FNBP1: variants seen among roughly 807,000 people sequenced by gnomAD.
FNBP1 encodes formin-binding protein 1.
In FNBP1, 26 loss-of-function variants were observed where a neutral mutation model predicts 90.6. The observed-to-expected ratio is 0.29, with a 90% CI of 0.21 to 0.40. FNBP1 has a LOEUF of 0.40. Ranked by LOEUF, FNBP1 falls within the 10% of genes least tolerant of loss-of-function variation. The pLI, the probability that FNBP1 is intolerant of heterozygous loss-of-function variation, is 1.00. For synonymous variants in FNBP1, 260 were observed against 265.2 expected, an observed-to-expected ratio of 0.98 and a Z score of 0.19; for missense variants, 635 against 768.0, an observed-to-expected ratio of 0.83 and a Z score of 2.05.
intron 6 of FNBP1, among the ~76,000 whole-genome samples, chr9:129,945,648 C>T (rs2045146091): frequency 6.6e-6 from 1 of 152,224 alleles, no homozygotes; most frequent in Non-Finnish European, 1.5e-5. Flanking sequence ...GCTGGCTTCA[C>T]TTAGAATAGA....
rs2131322608 is a variant in FNBP1 at position 129,900,458 on chromosome 9, G to A, written c.1518C>T (p.Pro506=). Residue 506 remains proline, a synonymous_variant, in exon 14 of 17, where the codon CCC becomes CCT. Coordinates refer to ENST00000446176, the MANE Select transcript of FNBP1 (RefSeq NM_015033.3). This position sits in a 1 kb window ranked among gnomAD's most constrained non-coding sequence, Gnocchi z 4.1. ...QSGLYDSQNP[P]TVNNCAQDRE... Reference sequence around the variant, plus strand: ...GGTCCTGGGCGCAGTTGTTGACTGTGGGTGGGTTCTGGCTGTCGTACAGTC... The same window carrying A: ...GGTCCTGGGCGCAGTTGTTGACTGTAGGTGGGTTCTGGCTGTCGTACAGTC... 6.2e-7 allele frequency: 1 copy of A among 1,605,424 alleles called. No individual in the cohort carries two copies. The highest frequency in any genetic ancestry group is 8.5e-7 in the Non-Finnish European group (1 of 1,176,310).
intron 6 of FNBP1, among the ~76,000 whole-genome samples, chr9:129,947,435 C>T (rs1371656218): frequency 1.7e-5 from 2 of 119,880 alleles, no homozygotes; most frequent in South Asian, 3.0e-4. Context: ...AGTAAAACTC[C>T]GTCTCAAAAA....
chr9:129,933,457 T>C (rs1026813540), intron 6 of FNBP1: 1 of 152,152 alleles, frequency 6.6e-6, no homozygotes, highest in Non-Finnish European at 1.5e-5. Flanking sequence ...CATAATTCCT[T>C]CTGTAAGCAT....
Position 129,900,108 on chromosome 9 carries a change from A to C in FNBP1, c.1551-7T>G, listed in dbSNP as rs1382455975. 3 of 1,597,028 alleles carry C rather than the reference A, an allele frequency of 1.9e-6. No homozygotes were observed. The highest frequency in any genetic ancestry group is 2.6e-6 in the Non-Finnish European group (3 of 1,172,316). ...TGTGTAACTGCCATCTGGGCTGCTCAAGAAAGGAAAACACAAAGCAACTAA... is the reference window on the plus strand; with the variant it reads ...TGTGTAACTGCCATCTGGGCTGCTCCAGAAAGGAAAACACAAAGCAACTAA... On this transcript the variant is annotated splice_polypyrimidine_tract_variant and splice_region_variant and intron_variant, in intron 14 of 16. Transcript: ENST00000446176. This position sits in a 1 kb window ranked among gnomAD's most constrained non-coding sequence, Gnocchi z 4.1.
At chr9:129,946,439 G>T (rs1264288295) in intron 6 of FNBP1, among the ~76,000 whole-genome samples, 1 of 152,086 alleles carries the variant, frequency 6.6e-6, no homozygotes, top group Non-Finnish European at 1.5e-5. Flanking sequence ...TCCTCAAATC[G>T]GGTTATATAA....
intron 1 of FNBP1, among the ~76,000 whole-genome samples, chr9:130,024,777 T>A (rs2058179286): frequency 6.6e-6 from 1 of 152,198 alleles, no homozygotes; most frequent in South Asian, 2.1e-4. Context: ...ATAAAGCACT[T>A]GACTGCCTAA....
At chr9:129,917,840 C>T (rs897957325) in intron 10 of FNBP1, among the ~76,000 whole-genome samples, 3 of 152,124 alleles carry the variant, frequency 2.0e-5, no homozygotes, top group African/African-American at 4.8e-5. Flanking sequence ...GATTCCAGCC[C>T]GCCTGTGAAC....
intron 1 of FNBP1, among the ~76,000 whole-genome samples, chr9:130,035,717 C>T (rs908447925): frequency 3.3e-5 from 5 of 152,132 alleles, no homozygotes; most frequent in Non-Finnish European, 4.4e-5. Context: ...GAGGCCAAGG[C>T]GGGTGGATCA....
At chr9:129,969,264 T>C (rs550546465) in intron 4 of FNBP1, among the ~76,000 whole-genome samples, 3 of 152,240 alleles carry the variant, frequency 2.0e-5, no homozygotes, top group Non-Finnish European at 4.4e-5. Flanking sequence ...GTAATTCTAC[T>C]ATAATTATCT....
intron 6 of FNBP1, among the ~76,000 whole-genome samples, chr9:129,947,440 C>CAAAAAAAA (rs530714143): frequency 2.1e-5 from 2 of 96,988 alleles, no homozygotes; most frequent in African/African-American, 7.9e-5. Context: ...AACTCCGTCT[C>CAAAAAAAA]AAAAAAAAAA....
chr9:130,043,509 G>A (rs144055975), upstream of FNBP1, among the ~76,000 whole-genome samples: 610 of 152,350 alleles, frequency 4.0e-3, 7 homozygotes, highest in African/African-American at 0.014. Context: ...GCTCCGCCGC[G>A]GTCTGAGATC....
At chr9:130,047,463 A>G (rs1272318132), upstream of FNBP1, among the ~76,000 whole-genome samples, 1 of 152,074 alleles carries the variant, frequency 6.6e-6, no homozygotes, top group African/African-American at 2.4e-5. Context: ...AAATACAAAA[A>G]TTAGCTGGGC....
At chr9:129,965,474 A>C (rs1473561609) in intron 4 of FNBP1, among the ~76,000 whole-genome samples, 3 of 152,032 alleles carry the variant, frequency 2.0e-5, no homozygotes, top group South Asian at 2.1e-4. Flanking sequence ...TCCTCTGCTC[A>C]CTGTTCCTCG....
At chr9:130,046,772 T>A (rs539060328), upstream of FNBP1, among the ~76,000 whole-genome samples, 110 of 43,976 alleles carry the variant, frequency 2.5e-3, 1 homozygote, top group East Asian at 0.052. Flanking sequence ...TGAGACTTTA[T>A]CTCAAAAAAA....
chr9:129,916,262 C>T (rs1173981408), intron 10 of FNBP1: 2 of 431,126 alleles, frequency 4.6e-6, no homozygotes, highest in African/African-American at 2.0e-5. Context: ...CTGTACTGGC[C>T]ACCTCAGCCT....
chr9:129,977,225 A>T (rs921526217), intron 4 of FNBP1, among the ~76,000 whole-genome samples: 3 of 152,052 alleles, frequency 2.0e-5, no homozygotes, highest in Admixed American at 6.6e-5. Context: ...ATTTTTCCGC[A>T]CTTCACATGC....
intron 1 of FNBP1, among the ~76,000 whole-genome samples, chr9:130,017,159 T>TA (rs145805072): frequency 0.018 from 2,753 of 152,154 alleles, 36 homozygotes; most frequent in Non-Finnish European, 0.027. Flanking sequence ...AATCATACCA[T>TA]AAGGAGTTCT....
chr9:129,945,337 G>A (rs1448966275), intron 6 of FNBP1, among the ~76,000 whole-genome samples: 1 of 152,088 alleles, frequency 6.6e-6, no homozygotes, highest in African/African-American at 2.4e-5. Context: ...TTAAGCTGCA[G>A]TTGCAAAATT....
intron 2 of FNBP1, among the ~76,000 whole-genome samples, chr9:129,993,639 T>G (rs1564524468): frequency 1.3e-5 from 2 of 148,430 alleles, no homozygotes; most frequent in Non-Finnish European, 3.0e-5. Flanking sequence ...TTTTTTTTTT[T>G]TTTGAGAAGG....
Sources: gnomAD v4.1 joint callset for allele counts (sites outside exome capture counted in the v4.1 genomes callset) on GRCh38, gnomAD v4.1.1 for gene constraint, Gnocchi (gnomAD v3.1) non-coding constraint, MANE v1.5 for transcripts, NCBI Gene and HGNC (gene_info 2026-07-23, HGNC 2026-07-21) for gene names.